Variants in BRF1 observed in about 807,000 individuals in gnomAD.
BRF1 encodes the protein transcription factor IIIB 90 kDa subunit.
BRF1 carries 59 observed loss-of-function variants against 81.7 expected under a neutral mutation model. The ratio of observed to expected loss-of-function variants is 0.72; its 90% CI spans 0.59 to 0.90. BRF1 has a LOEUF of 0.90. Among genes scored for constraint, BRF1 ranks in the 40% least tolerant of loss-of-function variants. The pLI is 0.00. For synonymous variants in BRF1, 491 were observed against 395.6 expected (o/e 1.24, Z -2.86); for missense variants, 1,050 against 936.3 (o/e 1.12, Z -1.58).
intron 1 of BRF1, among the ~76,000 whole-genome samples, chr14:105,312,700 A>G (rs1595530597): frequency 6.6e-6 from 1 of 152,220 alleles, no homozygotes; most frequent in South Asian, 2.1e-4. Flanking sequence ...TGCAAATAAC[A>G]AGTTCTGGCT....
intron 1 of BRF1, among the ~76,000 whole-genome samples, chr14:105,311,055 C>T (rs1206850599): frequency 2.0e-5 from 3 of 151,610 alleles, no homozygotes; most frequent in Admixed American, 1.3e-4. Context: ...TGGGTTCAAG[C>T]GATTCTCCTG....
Position 105,226,163 on chromosome 14 carries a change from T to C in BRF1, c.956-2A>G. Reference sequence around the variant, plus strand: ...CATCCTGGTAACTGGATATTTCACCTGAAGTCATAAGTTAAAAGCAAAAAG... The same window carrying C: ...CATCCTGGTAACTGGATATTTCACCCGAAGTCATAAGTTAAAAGCAAAAAG... On this transcript the variant is annotated splice_acceptor_variant, in intron 9 of 17. Transcript: ENST00000547530. LOFTEE classifies it high-confidence loss of function. 2 of 1,613,986 alleles carry C rather than the reference T, an allele frequency of 1.2e-6. No homozygotes were observed. Among genetic ancestry groups the C allele is most frequent in the Non-Finnish European group, 1.7e-6 (2 of 1,180,000 alleles).
At chr14:105,267,327 C>T (rs1383625376) in intron 3 of BRF1, among the ~76,000 whole-genome samples, 8 of 150,148 alleles carry the variant, frequency 5.3e-5, no homozygotes, top group Admixed American at 1.3e-4. Context: ...TTTTTTGAGA[C>T]GGGGCTCACT....
chr14:105,287,268 G>A (rs2057349383), intron 1 of BRF1, among the ~76,000 whole-genome samples: 1 of 152,212 alleles, frequency 6.6e-6, no homozygotes, highest in Admixed American at 6.5e-5. Flanking sequence ...CAGCCCGATC[G>A]CTGCAGCCTG....
At chr14:105,303,903 A>G (rs186587993), upstream of BRF1, among the ~76,000 whole-genome samples, 1 of 152,298 alleles carries the variant, frequency 6.6e-6, no homozygotes. Flanking sequence ...GCCCTTGAGG[A>G]TGTGAGGGGT....
intron 1 of BRF1, among the ~76,000 whole-genome samples, chr14:105,294,144 G>A (rs1208637864): frequency 6.6e-6 from 1 of 152,164 alleles, no homozygotes; most frequent in Non-Finnish European, 1.5e-5. Context: ...CAGAGCAACA[G>A]ATCCCCTCTC....
chr14:105,226,317 C>A (rs150223827), intron 8 of BRF1, 27 bp from the exon 9 acceptor site: 3 of 1,613,810 alleles, frequency 1.9e-6, no homozygotes, highest in Admixed American at 3.3e-5. Context: ...CAAGAGGCTT[C>A]GTGAAGGGAG....
chr14:105,219,343 G>T (rs587702302), intron 12 of BRF1, 111 bp from the exon 13 acceptor site: 1 of 1,544,168 alleles, frequency 6.5e-7, no homozygotes, highest in South Asian at 1.2e-5. Flanking sequence ...AGGGGAACCC[G>T]GGGCAGCCTC....
chr14:105,315,142 C>T lies in BRF1; in HGVS notation c.-162+180G>A. 2 of 672,978 alleles carry T rather than the reference C, an allele frequency of 3.0e-6. No homozygotes were observed. Among genetic ancestry groups the T allele is most frequent in the Non-Finnish European group, 3.7e-6 (2 of 535,918 alleles). 41.7% of individuals were successfully genotyped at this position (672,978 alleles called of 1,614,324 possible). On this transcript the variant is annotated intron_variant, in intron 1 of 17. Coordinates refer to the BRF1 transcript ENST00000327359. This position sits in a 1 kb window ranked among gnomAD's most constrained non-coding sequence, Gnocchi z 4.4. ...CCCGGCCCGGGTCCCCCAGCGGAGC[C>T]CAGGTCGCCCCCCGCGCCCCCGCCC...
chr14:105,298,922 G>A (rs914444534), intron 1 of BRF1, among the ~76,000 whole-genome samples: 11 of 150,990 alleles, frequency 7.3e-5, no homozygotes, highest in Non-Finnish European at 1.5e-4. Context: ...TGTAATCCCA[G>A]CACTTTGGGA....
intron 1 of BRF1, among the ~76,000 whole-genome samples, chr14:105,293,024 C>T (rs1444283235): frequency 1.3e-5 from 2 of 152,216 alleles, no homozygotes; most frequent in Admixed American, 6.5e-5. Flanking sequence ...CAGATGGCAA[C>T]GGGACAGAAT....
chr14:105,306,758 A>C (rs2058200953), intron 1 of BRF1, among the ~76,000 whole-genome samples: 1 of 152,182 alleles, frequency 6.6e-6, no homozygotes, highest in African/African-American at 2.4e-5. Context: ...GGCACCTGCC[A>C]CTGCGCCCAG....
Position 105,249,850 on chromosome 14 carries a change from C to T in BRF1, c.544+2657G>A, listed in dbSNP as rs147665481. The T allele has an allele frequency of 7.4e-5, 119 of 1,613,054 alleles. No homozygotes were observed. In the African/African-American group the frequency reaches 1.5e-3, roughly 20 times the overall value. ...CGCAGCGCTGCTGGGAGGTCATTGACGCACAGGCCGAGATGGCCCTACGGT... is the reference window on the plus strand; with the variant it reads ...CGCAGCGCTGCTGGGAGGTCATTGATGCACAGGCCGAGATGGCCCTACGGT... On this transcript the variant is annotated intron_variant, in intron 5 of 17. Transcript: ENST00000547530.
intron 6 of BRF1, among the ~76,000 whole-genome samples, chr14:105,240,968 C>T (rs1227979172): frequency 6.6e-6 from 1 of 152,210 alleles, no homozygotes; most frequent in African/African-American, 2.4e-5. Flanking sequence ...CCCCACGAGA[C>T]CACGGGCAGG....
At chr14:105,310,064 A>T (rs587647421) in intron 1 of BRF1, among the ~76,000 whole-genome samples, 2 of 151,488 alleles carry the variant, frequency 1.3e-5, no homozygotes, top group Non-Finnish European at 2.9e-5. Flanking sequence ...GATTACAGGT[A>T]TGAGCCACCG....
upstream of BRF1, among the ~76,000 whole-genome samples, chr14:105,303,764 T>G (rs1350410496): frequency 3.3e-5 from 5 of 152,228 alleles, no homozygotes; most frequent in Non-Finnish European, 7.3e-5. Context: ...TTGTTTTGTT[T>G]CTAAATGTTG....
intron 4 of BRF1, among the ~76,000 whole-genome samples, chr14:105,255,504 G>C (rs1334410802): frequency 6.6e-6 from 1 of 152,246 alleles, no homozygotes. Context: ...CAGAACCCCT[G>C]TGGGCACCTG....
At chr14:105,305,839 C>A (rs901137727), upstream of BRF1, among the ~76,000 whole-genome samples, 5 of 152,272 alleles carry the variant, frequency 3.3e-5, no homozygotes, top group Non-Finnish European at 5.9e-5. Context: ...GCACCCAGCA[C>A]CAGCTTCCTG....
chr14:105,222,011 G>GT lies in BRF1; in HGVS notation c.1049-98_1049-97insA, dbSNP rs1281690990. 3.5e-6 allele frequency: 5 copies of GT among 1,445,080 alleles called. No homozygotes were observed. The East Asian group carries it at 1.3e-4, about 37-fold the overall frequency. The allele number at this position is 1,445,080 out of a possible 1,614,324, so 89.5% of individuals were successfully genotyped here. ...CTACCAAGCTGCCAGGTAACCCATA[G>GT]AACGGCTGTCAGTGCACGGTGCCTG... On this transcript the variant is annotated intron_variant, in intron 10 of 17. Transcript: ENST00000547530.
Sources: allele counts gnomAD v4.1 joint callset (sites outside exome capture counted in the v4.1 genomes callset), GRCh38; gene constraint gnomAD v4.1.1; non-coding constraint Gnocchi (gnomAD v3.1); transcripts MANE v1.5; gene names NCBI Gene and HGNC (gene_info 2026-07-23, HGNC 2026-07-21).